The following CTNNA2 variants were observed in gnomAD, a reference collection of about 807,000 sequenced individuals.
CTNNA2 encodes catenin alpha-2.
Under a neutral mutation model 101.0 loss-of-function variants are expected in CTNNA2, and 42 were observed. The ratio of observed to expected loss-of-function variants is 0.42; its 90% CI spans 0.32 to 0.54. The LOEUF is 0.54. Among genes scored for constraint, CTNNA2 ranks in the 20% least tolerant of loss-of-function variants. The pLI, the probability that CTNNA2 is intolerant of heterozygous loss-of-function variation, is 0.14. For missense variants in CTNNA2, 871 were observed against 1,223.1 expected, an observed-to-expected ratio of 0.71 and a Z score of 4.29; for synonymous variants, 450 against 456.4, an observed-to-expected ratio of 0.99 and a Z score of 0.18.
intron 1 of CTNNA2, among the ~76,000 whole-genome samples, chr2:79,627,174 T>C (rs1300599810): frequency 1.3e-5 from 2 of 152,228 alleles, no homozygotes; most frequent in Non-Finnish European, 2.9e-5. Flanking sequence ...CAGACTTGCC[T>C]CTAAAGATGT....
chr2:80,369,643 A>G (rs1268168161), intron 7 of CTNNA2, among the ~76,000 whole-genome samples: 1 of 152,138 alleles, frequency 6.6e-6, no homozygotes, highest in Non-Finnish European at 1.5e-5. Flanking sequence ...CACAGATGTG[A>G]TTAAGGTTAA....
intron 3 of CTNNA2, among the ~76,000 whole-genome samples, chr2:79,804,425 A>G (rs1174247646): frequency 6.6e-6 from 1 of 152,168 alleles, no homozygotes; most frequent in Non-Finnish European, 1.5e-5. Context: ...GCAAAATGAA[A>G]ATAGTTAAAG....
intron 7 of CTNNA2, among the ~76,000 whole-genome samples, chr2:79,968,591 G>C (rs1457570898): frequency 1.3e-5 from 2 of 152,118 alleles, no homozygotes; most frequent in African/African-American, 2.4e-5. Flanking sequence ...AGGATCAGTT[G>C]AGGCCAGGAG....
chr2:79,282,205 T>C (rs986239506), intron 2 of CTNNA2, among the ~76,000 whole-genome samples: 2 of 152,118 alleles, frequency 1.3e-5, no homozygotes, highest in Non-Finnish European at 2.9e-5. Context: ...TATACCTTTA[T>C]CTTTTTCTTT....
chr2:80,537,018 T>A (rs1350418808), intron 9 of CTNNA2, among the ~76,000 whole-genome samples: 1 of 152,180 alleles, frequency 6.6e-6, no homozygotes, highest in African/African-American at 2.4e-5. Context: ...CAACCCATCA[T>A]CTAGGTTTTA....
At chr2:79,281,138 C>A (rs576324763) in intron 2 of CTNNA2, among the ~76,000 whole-genome samples, 1 of 152,178 alleles carries the variant, frequency 6.6e-6, no homozygotes, top group African/African-American at 2.4e-5. Flanking sequence ...GGAACTAAAC[C>A]AAGAACCATC....
chr2:79,289,962 T>G (rs1675750814), intron 2 of CTNNA2, among the ~76,000 whole-genome samples: 1 of 152,134 alleles, frequency 6.6e-6, no homozygotes, highest in Non-Finnish European at 1.5e-5. Context: ...TATTTCCTTT[T>G]CTGTGATATA....
chr2:79,930,276 A>G (rs940087811), intron 7 of CTNNA2, among the ~76,000 whole-genome samples: 2,073 of 12,024 alleles, frequency 0.17, 66 homozygotes, highest in African/African-American at 0.22. Context: ...GAAAGAAAGA[A>G]AGAGAGAGAG....
chr2:79,709,371 G>A (rs1159528529), intron 2 of CTNNA2, among the ~76,000 whole-genome samples: 2 of 152,078 alleles, frequency 1.3e-5, no homozygotes, highest in Non-Finnish European at 2.9e-5. Flanking sequence ...AAAATATAAG[G>A]AACACTGAGT....
In CTNNA2 at chr2:80,592,973, C is replaced by T. The variant is rs559389608; in HGVS notation, c.2189+3488C>T. Among the ~76,000 whole-genome samples, 4 of 152,136 alleles carry T rather than the reference C, an allele frequency of 2.6e-5. 1 individual carries two copies. Among genetic ancestry groups the T allele is most frequent in the African/African-American group, 4.8e-5 (2 of 41,520 alleles). On this transcript the variant is annotated intron_variant, in intron 15 of 18. Transcript: ENST00000402739. ...TTTCTTTTTTGGAGTGACCACTTCA[C>T]GGGAAAGACTCCAGATACTGACCTT... is the stretch of plus-strand genomic sequence containing the variant.
At chr2:80,164,894 T>G (rs771790451) in intron 7 of CTNNA2, among the ~76,000 whole-genome samples, 4 of 151,880 alleles carry the variant, frequency 2.6e-5, no homozygotes, top group Non-Finnish European at 4.4e-5. Flanking sequence ...CCCTGACTTT[T>G]GATAAGAAAT....
intron 7 of CTNNA2, among the ~76,000 whole-genome samples, chr2:79,923,011 G>C (rs1686779268): frequency 6.6e-6 from 1 of 152,018 alleles, no homozygotes; most frequent in Non-Finnish European, 1.5e-5. Context: ...TTAGATGGTA[G>C]ACTCTGGACA....
chr2:80,331,208 C>A (rs1174588747), intron 7 of CTNNA2, among the ~76,000 whole-genome samples: 1 of 152,150 alleles, frequency 6.6e-6, no homozygotes, highest in East Asian at 1.9e-4. Flanking sequence ...ACGACTGTGT[C>A]AGCACATTAG....
intron 3 of CTNNA2, among the ~76,000 whole-genome samples, chr2:79,774,257 C>T (rs888175784): frequency 2.8e-4 from 43 of 152,064 alleles, no homozygotes; most frequent in African/African-American, 1.0e-3. Context: ...TGTGGCTCTC[C>T]CAGCTGATCT....
intron 9 of CTNNA2, among the ~76,000 whole-genome samples, chr2:80,454,916 G>A (rs1683836961): frequency 6.6e-6 from 1 of 152,194 alleles, no homozygotes; most frequent in South Asian, 2.1e-4. Context: ...AAGGTCAGAA[G>A]GAAAACAAGG....
At chr2:79,224,831 T>G (rs1231446542) in intron 2 of CTNNA2, among the ~76,000 whole-genome samples, 1 of 150,850 alleles carries the variant, frequency 6.6e-6, no homozygotes. Flanking sequence ...ATAAATTAAG[T>G]TTGACTGTTC....
At chr2:79,552,467 C>T (rs1350926677) in intron 1 of CTNNA2, among the ~76,000 whole-genome samples, 1 of 152,130 alleles carries the variant, frequency 6.6e-6, no homozygotes, top group Non-Finnish European at 1.5e-5. Flanking sequence ...CATGGTGGCC[C>T]TCTTCTCACA....
At chr2:79,545,932 A>G (rs1241180137) in intron 1 of CTNNA2, among the ~76,000 whole-genome samples, 3 of 152,180 alleles carry the variant, frequency 2.0e-5, no homozygotes, top group Admixed American at 1.3e-4. Flanking sequence ...TAATACAACA[A>G]TCATATGAAG....
At chr2:79,414,862 G>A (rs1452964812) in intron 4 of CTNNA2, among the ~76,000 whole-genome samples, 1 of 152,048 alleles carries the variant, frequency 6.6e-6, no homozygotes, top group Non-Finnish European at 1.5e-5. Flanking sequence ...CCAGATGACT[G>A]TACCATACGA....
Sources: gnomAD v4.1 joint callset for allele counts (sites outside exome capture counted in the v4.1 genomes callset) on GRCh38, gnomAD v4.1.1 for gene constraint, MANE v1.5 for transcripts, NCBI Gene and HGNC (gene_info 2026-07-23, HGNC 2026-07-21) for gene names.